Variants in BMPR1B observed in about 807,000 individuals in gnomAD.
BMPR1B encodes bone morphogenetic protein receptor type-1B.
Under a neutral mutation model 59.1 loss-of-function variants are expected in BMPR1B, and 12 were observed. The observed-to-expected ratio is 0.20, with a 90% confidence interval of 0.13 to 0.33. BMPR1B has a LOEUF of 0.33. Among genes scored for constraint, BMPR1B ranks in the 10% least tolerant of loss-of-function variants. The pLI, the probability that BMPR1B is intolerant of heterozygous loss-of-function variation, is 1.00. For missense variants in BMPR1B, 550 were observed against 610.9 expected (o/e 0.90, Z 1.05); for synonymous variants, 237 against 207.3 (o/e 1.14, Z -1.23).
intron 1 of BMPR1B, among the ~76,000 whole-genome samples, chr4:94,793,132 G>A (rs1238288910): frequency 6.6e-6 from 1 of 151,788 alleles, no homozygotes; most frequent in African/African-American, 2.4e-5. Context: ...TCGTCATTTA[G>A]CATTAGGTAT....
At chr4:94,859,886 AT>A (rs750198980) in intron 1 of BMPR1B, among the ~76,000 whole-genome samples, 118 of 150,568 alleles carry the variant, frequency 7.8e-4, no homozygotes, top group Non-Finnish European at 1.5e-3. Flanking sequence ...AAATATTTAC[AT>A]TTTATCCAGT....
At chr4:95,121,960 T>C (rs931885308) in intron 6 of BMPR1B, among the ~76,000 whole-genome samples, 24 of 152,336 alleles carry the variant, frequency 1.6e-4, no homozygotes, top group Admixed American at 1.4e-3. Context: ...AGAAGCCTTA[T>C]GGCAGAATCT....
At chr4:95,076,806 T>G (rs962020636) in intron 3 of BMPR1B, among the ~76,000 whole-genome samples, 2 of 151,904 alleles carry the variant, frequency 1.3e-5, no homozygotes, top group Admixed American at 6.6e-5. Flanking sequence ...ACAATCAGAA[T>G]TATAAGCAAA....
At chr4:95,076,845 C>T (rs1195803933) in intron 3 of BMPR1B, among the ~76,000 whole-genome samples, 2 of 151,948 alleles carry the variant, frequency 1.3e-5, no homozygotes, top group Non-Finnish European at 2.9e-5. Flanking sequence ...CATGGTACAT[C>T]TAATTAGAAT....
intron 6 of BMPR1B, among the ~76,000 whole-genome samples, 174 bp from the exon 7 acceptor site, chr4:95,123,636 C>T (rs1021277418): frequency 3.3e-5 from 5 of 152,054 alleles, no homozygotes; most frequent in Non-Finnish European, 7.4e-5. Context: ...TCACGCTAGT[C>T]AAACTTATTT....
intron 2 of BMPR1B, among the ~76,000 whole-genome samples, chr4:94,981,690 T>C (rs2149088221): frequency 6.6e-6 from 1 of 152,340 alleles, no homozygotes; most frequent in African/African-American, 2.4e-5. Context: ...GACTTTATTT[T>C]CCACTAAATA....
At chr4:94,948,858 G>A (rs1352886666) in intron 2 of BMPR1B, among the ~76,000 whole-genome samples, 1 of 152,182 alleles carries the variant, frequency 6.6e-6, no homozygotes, top group Non-Finnish European at 1.5e-5. Flanking sequence ...GGGACGAGAG[G>A]TTGTGAGGCA....
In BMPR1B at chr4:94,857,281, CA is replaced by C. The variant is rs374740094; in HGVS notation, c.-182-18547del. On this transcript the variant is annotated intron_variant, in intron 1 of 12. Coordinates refer to ENST00000515059, the MANE Select transcript of BMPR1B (RefSeq NM_001203.3). The stretch of plus-strand genomic sequence containing the variant: ...TGTGCCAAATTAACAAATATTTAAG[CA>C]AATGACAACATACTTTTGATACAAG... Among the ~76,000 whole-genome samples, 29 of 152,210 alleles carry C rather than the reference CA, an allele frequency of 1.9e-4. No individual in the cohort carries two copies. The South Asian group carries it at 4.3e-3, about 23-fold the overall frequency.
At chr4:94,762,880 G>C (rs1326012291) in intron 1 of BMPR1B, among the ~76,000 whole-genome samples, 3 of 150,956 alleles carry the variant, frequency 2.0e-5, no homozygotes, top group Non-Finnish European at 4.4e-5. Context: ...TTGCGGGGCT[G>C]GGGGCTGGGG....
At chr4:94,916,588 A>G (rs961579291) in intron 2 of BMPR1B, among the ~76,000 whole-genome samples, 6 of 152,186 alleles carry the variant, frequency 3.9e-5, no homozygotes, top group Admixed American at 3.3e-4. Flanking sequence ...GCTTCTAACA[A>G]CCTACACTCA....
intron 6 of BMPR1B, among the ~76,000 whole-genome samples, chr4:95,122,446 G>C (rs558203718): frequency 1.4e-4 from 21 of 152,074 alleles, no homozygotes; most frequent in Admixed American, 4.6e-4. Flanking sequence ...TGGATATGCT[G>C]TCTGATCACT....
intron 2 of BMPR1B, among the ~76,000 whole-genome samples, chr4:94,952,434 T>G (rs1039031317): frequency 1.3e-5 from 2 of 152,220 alleles, no homozygotes; most frequent in African/African-American, 4.8e-5. Context: ...TCTTTAGCTG[T>G]GTCCCAGGGA....
At chr4:95,071,652 G>GTATATATATATATA (rs58148216) in intron 3 of BMPR1B, among the ~76,000 whole-genome samples, 59 of 84,312 alleles carry the variant, frequency 7.0e-4, no homozygotes, top group East Asian at 1.7e-3. Context: ...GTGTGTGTGT[G>GTATATATATATATA]TATATATATA....
At chr4:94,895,511 A>G (rs1362031732) in intron 2 of BMPR1B, among the ~76,000 whole-genome samples, 3 of 151,910 alleles carry the variant, frequency 2.0e-5, no homozygotes, top group Non-Finnish European at 4.4e-5. Flanking sequence ...TAAATTACAT[A>G]TTCAGGTTCT....
intron 8 of BMPR1B, among the ~76,000 whole-genome samples, chr4:95,125,386 G>A (rs1046751742): frequency 2.0e-5 from 3 of 152,080 alleles, no homozygotes; most frequent in Non-Finnish European, 4.4e-5. Context: ...CATTAAACAC[G>A]GGACCATCTT....
intron 3 of BMPR1B, among the ~76,000 whole-genome samples, chr4:95,019,489 A>G (rs1723818180): frequency 6.6e-6 from 1 of 152,220 alleles, no homozygotes; most frequent in African/African-American, 2.4e-5. Flanking sequence ...GTTCCTTTCC[A>G]TTATAGAGAA....
intron 3 of BMPR1B, among the ~76,000 whole-genome samples, chr4:95,043,700 C>T (rs1171551581): frequency 1.3e-5 from 2 of 152,080 alleles, no homozygotes; most frequent in Admixed American, 6.5e-5. Context: ...TGATGCCCTC[C>T]AAGTATGGAG....
chr4:94,891,136 TACA>T (rs1298532372), intron 2 of BMPR1B, among the ~76,000 whole-genome samples: 1 of 152,142 alleles, frequency 6.6e-6, no homozygotes, highest in Non-Finnish European at 1.5e-5. Context: ...ATGTGCATTG[TACA>T]TAGTAAGTGG....
At chr4:94,758,607 C>T (rs917504098) in intron 1 of BMPR1B, among the ~76,000 whole-genome samples, 11 of 152,214 alleles carry the variant, frequency 7.2e-5, no homozygotes, top group African/African-American at 2.4e-4. Flanking sequence ...CCAGCCTTGC[C>T]GTGGGGGAAA....
Sources: allele counts gnomAD v4.1 joint callset (sites outside exome capture counted in the v4.1 genomes callset), GRCh38; gene constraint gnomAD v4.1.1; transcripts MANE v1.5; gene names NCBI Gene and HGNC (gene_info 2026-07-23, HGNC 2026-07-21).